NAALADL2: variants seen among roughly 807,000 people sequenced by gnomAD.
NAALADL2 encodes inactive N-acetylated-alpha-linked acidic dipeptidase-like protein 2.
Under a neutral mutation model 87.2 loss-of-function variants are expected in NAALADL2, and 76 were observed. The ratio of observed to expected loss-of-function variants is 0.87; its 90% CI spans 0.72 to 1.05. The LOEUF (loss-of-function observed/expected upper bound fraction) is 1.05, where lower values mean the gene tolerates loss of function less well. Among genes scored for constraint, NAALADL2 ranks in the 50% least tolerant of loss-of-function variants. The probability of loss-of-function intolerance (pLI) is 0.00; values close to 1 mark genes in which losing one functional copy is unlikely to be tolerated. For missense variants in NAALADL2, 1,089 were observed against 945.8 expected (o/e 1.15, Z -1.99); for synonymous variants, 354 against 331.0 (o/e 1.07, Z -0.75).
chr3:174,748,093 T>G (rs1006476816), intron 3 of NAALADL2, among the ~76,000 whole-genome samples: 1 of 151,944 alleles, frequency 6.6e-6, no homozygotes. Flanking sequence ...TTCTCACTTA[T>G]AAGTGGGAGC....
intron 3 of NAALADL2, among the ~76,000 whole-genome samples, chr3:174,760,423 C>A (rs1165704055): frequency 6.6e-6 from 1 of 152,224 alleles, no homozygotes; most frequent in Non-Finnish European, 1.5e-5. Flanking sequence ...TTTGCTCATA[C>A]AAAGGAACCA....
rs904273337 is a variant in NAALADL2 at position 175,805,039 on chromosome 3, T to G, written c.*1836T>G. 1 of 151,942 alleles carries G rather than the reference T, an allele frequency of 6.6e-6. No homozygotes were observed. Among genetic ancestry groups the G allele is most frequent in the African/African-American group, 2.4e-5 (1 of 41,412 alleles). The allele number at this position is 151,942 out of a possible 1,614,324, so 9.4% of individuals were successfully genotyped here. A position where few individuals can be genotyped will look rare whatever the true frequency, so the allele number is the denominator to read the frequency against. ...GTGCATACCTAGGCATTCATGCTCTTTCTTCCTCTTCAGAGATCATCAGAA... is the reference window on the plus strand; with the variant it reads ...GTGCATACCTAGGCATTCATGCTCTGTCTTCCTCTTCAGAGATCATCAGAA... On this transcript the variant is annotated 3_prime_UTR_variant, in exon 14 of 14. Transcript: ENST00000454872.
chr3:175,542,369 T>A (rs1306011055), intron 9 of NAALADL2, among the ~76,000 whole-genome samples: 1 of 152,162 alleles, frequency 6.6e-6, no homozygotes, highest in Non-Finnish European at 1.5e-5. Flanking sequence ...CCCCAAATTG[T>A]CATATGTATC....
intron 11 of NAALADL2, among the ~76,000 whole-genome samples, chr3:175,667,739 T>C (rs80145934): frequency 1.4e-5 from 2 of 147,348 alleles, no homozygotes; most frequent in East Asian, 3.9e-4. Context: ...GTGTGTTTTT[T>C]GCTGTTTTTT....
chr3:175,126,335 G>A (rs1394766358), intron 2 of NAALADL2, among the ~76,000 whole-genome samples: 2 of 152,084 alleles, frequency 1.3e-5, no homozygotes, highest in Non-Finnish European at 2.9e-5. Flanking sequence ...TAAGGGAAAA[G>A]GTACATTTTA....
upstream of NAALADL2, among the ~76,000 whole-genome samples, chr3:174,855,775 TACACACAC>T (rs10576439): frequency 0.22 from 30,257 of 135,500 alleles, 3,531 homozygotes; most frequent in East Asian, 0.35. Context: ...AGGAGAGAAA[TACACACAC>T]ACACACACAC....
At chr3:174,560,341 A>G (rs1456806404) in intron 2 of NAALADL2, among the ~76,000 whole-genome samples, 1 of 152,232 alleles carries the variant, frequency 6.6e-6, no homozygotes, top group African/African-American at 2.4e-5. Context: ...CAAGTACTTA[A>G]TTCCCATTGA....
chr3:175,471,299 C>T (rs1006193809), intron 8 of NAALADL2, among the ~76,000 whole-genome samples: 8 of 151,808 alleles, frequency 5.3e-5, no homozygotes, highest in African/African-American at 1.7e-4. Flanking sequence ...TCCTCGCTAA[C>T]ATGGTGAAAC....
intron 1 of NAALADL2, among the ~76,000 whole-genome samples, chr3:174,900,439 TAAATG>T (rs1732170461): frequency 6.6e-6 from 1 of 152,052 alleles, no homozygotes; most frequent in Non-Finnish European, 1.5e-5. Flanking sequence ...GTAGTTAGGA[TAAATG>T]AAATAGGTAC....
At chr3:174,748,959 T>G (rs964752532) in intron 3 of NAALADL2, among the ~76,000 whole-genome samples, 2 of 152,204 alleles carry the variant, frequency 1.3e-5, no homozygotes, top group Admixed American at 1.3e-4. Flanking sequence ...TCTTAAGGTA[T>G]ACCCATAAAC....
chr3:174,465,445 C>T (rs1335948245), intron 1 of NAALADL2, among the ~76,000 whole-genome samples: 1 of 152,042 alleles, frequency 6.6e-6, no homozygotes, highest in Non-Finnish European at 1.5e-5. Context: ...CTTATAAATT[C>T]TTATCTGTTA....
intron 13 of NAALADL2, among the ~76,000 whole-genome samples, chr3:175,759,854 A>G (rs746558652): frequency 3.9e-5 from 6 of 152,158 alleles, no homozygotes; most frequent in Non-Finnish European, 5.9e-5. Flanking sequence ...ATGGAAAGGT[A>G]GGTAAGATCA....
At chr3:175,585,073 A>C (rs1200310807) in intron 10 of NAALADL2, among the ~76,000 whole-genome samples, 1 of 151,966 alleles carries the variant, frequency 6.6e-6, no homozygotes, top group Non-Finnish European at 1.5e-5. Context: ...AACCCAACAT[A>C]TTATAGAGCT....
At chr3:175,362,643 G>A (rs1054477496) in intron 5 of NAALADL2, among the ~76,000 whole-genome samples, 4 of 148,188 alleles carry the variant, frequency 2.7e-5, no homozygotes, top group African/African-American at 9.8e-5. Flanking sequence ...CTATAAACAT[G>A]CATGTTGAAG....
intron 9 of NAALADL2, among the ~76,000 whole-genome samples, chr3:175,502,848 C>A (rs1232005118): frequency 6.6e-6 from 1 of 152,010 alleles, no homozygotes; most frequent in African/African-American, 2.4e-5. Flanking sequence ...CAAATCTCAC[C>A]CATACAGAAG....
upstream of NAALADL2, among the ~76,000 whole-genome samples, chr3:174,858,477 C>T (rs542293193): frequency 1.3e-5 from 2 of 151,960 alleles, no homozygotes; most frequent in Non-Finnish European, 2.9e-5. Flanking sequence ...ATTCACCATG[C>T]TTCTATTCAA....
intron 13 of NAALADL2, among the ~76,000 whole-genome samples, chr3:175,783,050 G>T (rs1388319484): frequency 6.7e-6 from 1 of 150,178 alleles, no homozygotes; most frequent in African/African-American, 2.5e-5. Flanking sequence ...GCTCTGTTCT[G>T]TTCCATTGAT....
chr3:175,060,034 T>A (rs564004254), intron 1 of NAALADL2: 1 of 391,924 alleles, frequency 2.6e-6, no homozygotes, highest in South Asian at 2.2e-5. Flanking sequence ...ACCCATGGTG[T>A]CAGCTGTATT....
intron 1 of NAALADL2, among the ~76,000 whole-genome samples, chr3:175,041,160 C>T (rs1754033804): frequency 6.6e-6 from 1 of 152,086 alleles, no homozygotes; most frequent in Admixed American, 6.6e-5. Context: ...TTTTCTAGAT[C>T]TGGTGTCTGG....
Sources: gnomAD v4.1 joint callset for allele counts (sites outside exome capture counted in the v4.1 genomes callset) on GRCh38, gnomAD v4.1.1 for gene constraint, MANE v1.5 for transcripts, NCBI Gene and HGNC (gene_info 2026-07-23, HGNC 2026-07-21) for gene names.